SGCD: variants seen among roughly 807,000 people sequenced by gnomAD.
The protein encoded by SGCD is delta-sarcoglycan.
Under a neutral mutation model 36.6 loss-of-function variants are expected in SGCD, and 18 were observed. The ratio of observed to expected loss-of-function variants is 0.49; its 90% CI spans 0.34 to 0.73. SGCD has a LOEUF of 0.73. SGCD is among the 30% of genes least tolerant of loss of function. The pLI, the probability that SGCD is intolerant of heterozygous loss-of-function variation, is 0.01. For missense variants in SGCD, 387 were observed against 346.7 expected, an observed-to-expected ratio of 1.12 and a Z score of -0.92; for synonymous variants, 133 against 130.6, an observed-to-expected ratio of 1.02 and a Z score of -0.12.
intron 3 of SGCD, among the ~76,000 whole-genome samples, chr5:156,384,803 G>C (rs538332745): frequency 6.6e-6 from 1 of 152,252 alleles, no homozygotes; most frequent in South Asian, 2.1e-4. Flanking sequence ...TGTGCCTTTT[G>C]TTTATGTGCA....
At chr5:156,587,823 G>A (rs536569754) in intron 4 of SGCD, among the ~76,000 whole-genome samples, 59 of 151,970 alleles carry the variant, frequency 3.9e-4, no homozygotes, top group African/African-American at 1.4e-3. Context: ...ACCCTTCAGG[G>A]AAGTCCCCCA....
chr5:155,797,209 A>G, the SGCD span, among the ~76,000 whole-genome samples: 1 of 152,198 alleles, frequency 6.6e-6, no homozygotes, highest in African/African-American at 2.4e-5. Context: ...AAATCTTCCC[A>G]TACAGAAAGT....
chr5:155,966,995 ATGTG>A (rs1757915725), intron 1 of SGCD, among the ~76,000 whole-genome samples: 1 of 149,934 alleles, frequency 6.7e-6, no homozygotes. Flanking sequence ...ATGTGTGCGT[ATGTG>A]TGTATTTGTG....
chr5:156,107,587 A>T (rs1761678014), intron 1 of SGCD, among the ~76,000 whole-genome samples: 1 of 152,156 alleles, frequency 6.6e-6, no homozygotes, highest in Non-Finnish European at 1.5e-5. Context: ...CCAAAATGCT[A>T]GTCATTTTTC....
chr5:156,413,368 G>T (rs1772871714), intron 3 of SGCD, among the ~76,000 whole-genome samples: 1 of 152,204 alleles, frequency 6.6e-6, no homozygotes, highest in Admixed American at 6.5e-5. Context: ...GTTACATAGG[G>T]ATACAGAGCT....
At chr5:156,580,792 C>T (rs979759006) in intron 4 of SGCD, among the ~76,000 whole-genome samples, 15 of 152,136 alleles carry the variant, frequency 9.9e-5, no homozygotes, top group Non-Finnish European at 2.2e-4. Context: ...TTCTAGTTAG[C>T]CATTCATCTA....
At chr5:155,898,620 T>C (rs1024812811) in intron 1 of SGCD, among the ~76,000 whole-genome samples, 1 of 152,168 alleles carries the variant, frequency 6.6e-6, no homozygotes, top group Non-Finnish European at 1.5e-5. Flanking sequence ...GTTACAGTAG[T>C]AGACAGTCCC....
chr5:155,823,773 A>G, the SGCD span, among the ~76,000 whole-genome samples: 1 of 152,204 alleles, frequency 6.6e-6, no homozygotes, highest in Non-Finnish European at 1.5e-5. Flanking sequence ...TCAATTTGTT[A>G]GACAAAGCAT....
At chr5:155,822,069 T>C in the SGCD span, among the ~76,000 whole-genome samples, 13 of 152,304 alleles carry the variant, frequency 8.5e-5, no homozygotes, top group Non-Finnish European at 1.9e-4. Flanking sequence ...AGCAAGATGC[T>C]GGGGATACAG....
At chr5:156,729,867 A>G (rs1269289898) in intron 7 of SGCD, among the ~76,000 whole-genome samples, 2 of 152,218 alleles carry the variant, frequency 1.3e-5, no homozygotes, top group Non-Finnish European at 2.9e-5. Flanking sequence ...TATGTAGATT[A>G]AAGCCATTCC....
intron 1 of SGCD, among the ~76,000 whole-genome samples, chr5:156,031,821 C>G (rs1759354029): frequency 6.6e-6 from 1 of 152,128 alleles, no homozygotes; most frequent in South Asian, 2.1e-4. Flanking sequence ...GGGGCTTAAC[C>G]AAGATTTGAA....
intron 4 of SGCD, among the ~76,000 whole-genome samples, chr5:156,531,816 G>A (rs1156657781): frequency 6.6e-6 from 1 of 151,952 alleles, no homozygotes; most frequent in Non-Finnish European, 1.5e-5. Context: ...CTACGTAAAT[G>A]TATGGACATG....
chr5:156,475,674 A>G (rs1755148594), intron 3 of SGCD, among the ~76,000 whole-genome samples: 1 of 152,164 alleles, frequency 6.6e-6, no homozygotes, highest in Non-Finnish European at 1.5e-5. Flanking sequence ...TAACCAAGTA[A>G]ACACCCCCAG....
intron 4 of SGCD, among the ~76,000 whole-genome samples, chr5:156,518,413 A>G (rs114464189): frequency 0.013 from 1,997 of 152,284 alleles, 15 homozygotes; most frequent in Admixed American, 0.02. Flanking sequence ...CCCACTGTCA[A>G]TATTAGACGG....
chr5:156,443,611 C>T (rs1469517431), intron 3 of SGCD, among the ~76,000 whole-genome samples: 1 of 152,064 alleles, frequency 6.6e-6, no homozygotes, highest in South Asian at 2.1e-4. Flanking sequence ...GTAATTAACA[C>T]CCTCATGACA....
chr5:156,700,341 A>G (rs1218795974), intron 7 of SGCD, among the ~76,000 whole-genome samples: 1 of 151,690 alleles, frequency 6.6e-6, no homozygotes, highest in Non-Finnish European at 1.5e-5. Flanking sequence ...TTCTTGCTAT[A>G]CCTCCTTCTC....
chr5:155,751,334 A>G, the SGCD span, among the ~76,000 whole-genome samples: 15 of 152,300 alleles, frequency 9.8e-5, no homozygotes, highest in Middle Eastern at 3.4e-3. Context: ...CATTCAGATG[A>G]CCTGTGTCTC....
At chr5:156,069,050 A>C (rs1341437949) in intron 1 of SGCD, among the ~76,000 whole-genome samples, 3 of 152,058 alleles carry the variant, frequency 2.0e-5, no homozygotes, top group Admixed American at 2.0e-4. Context: ...TAGATTGCAA[A>C]AATTTTCTCC....
intron 1 of SGCD, among the ~76,000 whole-genome samples, chr5:155,907,513 T>C (rs1408204765): frequency 1.3e-5 from 2 of 152,138 alleles, no homozygotes; most frequent in African/African-American, 2.4e-5. Flanking sequence ...AATAGCAATG[T>C]TAGTAAGAGT....
Sources: gnomAD v4.1 joint callset for allele counts (sites outside exome capture counted in the v4.1 genomes callset) on GRCh38, gnomAD v4.1.1 for gene constraint, MANE v1.5 for transcripts, NCBI Gene and HGNC (gene_info 2026-07-23, HGNC 2026-07-21) for gene names.